Variants in SLC39A11 observed in about 807,000 individuals in gnomAD.
SLC39A11 encodes zinc transporter ZIP11.
Under a neutral mutation model 36.1 loss-of-function variants are expected in SLC39A11, and 33 were observed. The observed-to-expected ratio is 0.91, with a 90% CI of 0.69 to 1.22. SLC39A11 has a LOEUF of 1.22. SLC39A11 is among the 50% of genes most tolerant of loss of function. SLC39A11 has a pLI of 0.00. For synonymous variants in SLC39A11, 166 were observed against 170.3 expected (o/e 0.97, Z 0.20); for missense variants, 432 against 430.3 (o/e 1.00, Z -0.03).
At chr17:72,916,243 C>G (rs1034890649) in intron 5 of SLC39A11, among the ~76,000 whole-genome samples, 1 of 149,434 alleles carries the variant, frequency 6.7e-6, no homozygotes, top group Non-Finnish European at 1.5e-5. Flanking sequence ...TCTGTACACA[C>G]AAACACACAA....
intron 6 of SLC39A11, among the ~76,000 whole-genome samples, chr17:72,781,569 AC>A (rs1306316214): frequency 1.3e-5 from 2 of 151,766 alleles, no homozygotes; most frequent in African/African-American, 2.4e-5. Context: ...GATTACAGGC[AC>A]CCGCCACCAT....
At chr17:73,071,088 T>C (rs1477877358) in intron 3 of SLC39A11, among the ~76,000 whole-genome samples, 1 of 152,080 alleles carries the variant, frequency 6.6e-6, no homozygotes, top group African/African-American at 2.4e-5. Flanking sequence ...TCTAGGTGAT[T>C]CTAATGTGCA....
intron 5 of SLC39A11, among the ~76,000 whole-genome samples, chr17:72,863,241 C>T (rs1031234594): frequency 2.0e-5 from 3 of 152,194 alleles, no homozygotes; most frequent in African/African-American, 7.2e-5. Flanking sequence ...TTGCCCCAAA[C>T]GAAGCAAATT....
At chr17:72,694,511 C>A (rs751627844) in intron 7 of SLC39A11, among the ~76,000 whole-genome samples, 1 of 152,208 alleles carries the variant, frequency 6.6e-6, no homozygotes, top group African/African-American at 2.4e-5. Flanking sequence ...GTCTGCAGGG[C>A]GGCTCTGTGG....
chr17:72,648,541 T>C (rs866051615), intron 9 of SLC39A11, among the ~76,000 whole-genome samples: 2 of 151,848 alleles, frequency 1.3e-5, no homozygotes, highest in Admixed American at 1.3e-4. Context: ...ACAAAAACGA[T>C]AGTCTACTGC....
chr17:72,902,901 A>C (rs2082465174), intron 5 of SLC39A11, among the ~76,000 whole-genome samples: 1 of 152,170 alleles, frequency 6.6e-6, no homozygotes, highest in African/African-American at 2.4e-5. Flanking sequence ...GGAAACTCAG[A>C]ATTATTTTGT....
intron 5 of SLC39A11, among the ~76,000 whole-genome samples, chr17:72,861,685 A>ATATATATATATATATATT (rs2080024478): frequency 8.4e-6 from 1 of 119,640 alleles, no homozygotes; most frequent in South Asian, 2.5e-4. Flanking sequence ...ATATATATAT[A>ATATATATATATATATATT]TATAAAATAT....
intron 7 of SLC39A11, among the ~76,000 whole-genome samples, chr17:72,730,940 C>T (rs1002153072): frequency 5.3e-5 from 8 of 152,154 alleles, no homozygotes; most frequent in African/African-American, 9.7e-5. Flanking sequence ...TTAGTAGAGA[C>T]GGGTTTTCAC....
At chr17:72,846,018 CTTTTTTTTTTTTTTTTT>C (rs569100122) in intron 6 of SLC39A11, among the ~76,000 whole-genome samples, 1 of 57,950 alleles carries the variant, frequency 1.7e-5, no homozygotes, top group East Asian at 5.8e-4. Flanking sequence ...CTCTCTCTCT[CTTTTTTTTTTTTTTTTT>C]TTTTTTTTTT....
intron 4 of SLC39A11, among the ~76,000 whole-genome samples, chr17:72,958,058 C>G (rs1391619776): frequency 6.6e-6 from 1 of 152,134 alleles, no homozygotes. Flanking sequence ...CAGAAATAAA[C>G]CCAAATACTT....
In SLC39A11 at chr17:72,724,507, G is replaced by C. The variant is rs558386997; in HGVS notation, c.671+12143C>G. On this transcript the variant is annotated intron_variant, in intron 7 of 9. Transcript: ENST00000255559. ...ACAATGAGGAAAGCAGACCTTTTGA[G>C]ACATCCTGGATGTTCCCTCCACCCT... 5.3e-5 allele frequency among the ~76,000 whole-genome samples: 8 copies of C among 152,228 alleles called. No individual in the cohort carries two copies. In the East Asian group the frequency reaches 1.5e-3, roughly 29 times the overall value.
At position 72,686,240 on chromosome 17, in the gene SLC39A11, T is replaced by C. The variant is rs151293221; in HGVS notation, c.672-36972A>G. On this transcript the variant is annotated intron_variant, in intron 7 of 9. Transcript: ENST00000255559. The stretch of plus-strand genomic sequence containing the variant: ...TTTTTCCTGGGCTTGGACGAGTCCC[T>C]GTCCCCCAGGTCTGTTGCTGGCATG... Among the ~76,000 whole-genome samples, 1,346 of 152,316 alleles carry C rather than the reference T, an allele frequency of 8.8e-3. 34 individuals carry two copies. The highest frequency in any genetic ancestry group is 8.4e-3 in the Non-Finnish European group (570 of 68,030).
At chr17:72,715,813 C>T (rs1419116567) in intron 7 of SLC39A11, among the ~76,000 whole-genome samples, 1 of 152,154 alleles carries the variant, frequency 6.6e-6, no homozygotes, top group Non-Finnish European at 1.5e-5. Flanking sequence ...AAGCGATTCT[C>T]GTGCCTCAGC....
intron 3 of SLC39A11, among the ~76,000 whole-genome samples, chr17:73,039,630 C>T (rs1176619624): frequency 2.6e-5 from 4 of 152,166 alleles, no homozygotes; most frequent in Admixed American, 6.5e-5. Context: ...CAGACTCATA[C>T]TCAAATGCCT....
chr17:73,077,267 G>T (rs1192125917), intron 3 of SLC39A11, among the ~76,000 whole-genome samples: 1 of 152,096 alleles, frequency 6.6e-6, no homozygotes, highest in Non-Finnish European at 1.5e-5. Flanking sequence ...TATGCATCTG[G>T]GGACCCACCA....
chr17:73,088,280 C>G (rs995366117), intron 2 of SLC39A11, among the ~76,000 whole-genome samples: 1 of 129,344 alleles, frequency 7.7e-6, no homozygotes, highest in Non-Finnish European at 1.6e-5. Flanking sequence ...GGCAACAGAG[C>G]AAGATTCTGT....
intron 9 of SLC39A11, among the ~76,000 whole-genome samples, 159 bp downstream of exon 9, chr17:72,648,644 G>C (rs1329628197): frequency 6.6e-6 from 1 of 152,144 alleles, no homozygotes; most frequent in Non-Finnish European, 1.5e-5. Context: ...TTTAGTTTCA[G>C]AGAGCACAGT....
At chr17:72,861,930 A>C (rs1307383476) in intron 5 of SLC39A11, among the ~76,000 whole-genome samples, 5 of 151,402 alleles carry the variant, frequency 3.3e-5, no homozygotes, top group Non-Finnish European at 7.4e-5. Flanking sequence ...AGGAAGAACA[A>C]GCACCACTCT....
chr17:72,853,940 C>T (rs2079503535), intron 5 of SLC39A11, among the ~76,000 whole-genome samples: 1 of 152,002 alleles, frequency 6.6e-6, no homozygotes, highest in Admixed American at 6.6e-5. Context: ...ACAAGAACCT[C>T]GTGAGGTTTC....
Sources: allele counts gnomAD v4.1 joint callset (sites outside exome capture counted in the v4.1 genomes callset), GRCh38; gene constraint gnomAD v4.1.1; transcripts MANE v1.5; gene names NCBI Gene and HGNC (gene_info 2026-07-23, HGNC 2026-07-21).